Variants in ADK observed in about 807,000 individuals in gnomAD.
ADK encodes adenosine kinase.
ADK carries 24 observed loss-of-function variants against 44.7 expected under a neutral mutation model. The ratio of observed to expected loss-of-function variants is 0.54; its 90% CI spans 0.39 to 0.76. The LOEUF (loss-of-function observed/expected upper bound fraction) is 0.76, where lower values mean the gene tolerates loss of function less well. Ranked by LOEUF, ADK falls within the 30% of genes least tolerant of loss-of-function variation. The pLI, the probability that ADK is intolerant of heterozygous loss-of-function variation, is 0.00. For missense variants in ADK, 321 were observed against 425.1 expected, an observed-to-expected ratio of 0.76 and a Z score of 2.15; for synonymous variants, 128 against 142.6, an observed-to-expected ratio of 0.90 and a Z score of 0.73.
intron 9 of ADK, among the ~76,000 whole-genome samples, chr10:74,646,831 G>T (rs146845765): frequency 7.8e-4 from 119 of 152,294 alleles, no homozygotes; most frequent in Non-Finnish European, 1.3e-3. Flanking sequence ...AGGAAAATGT[G>T]AAAAACAGTG....
intron 3 of ADK, among the ~76,000 whole-genome samples, chr10:74,311,803 T>C (rs931076189): frequency 6.6e-6 from 1 of 152,208 alleles, no homozygotes; most frequent in Non-Finnish European, 1.5e-5. Context: ...ATGGATTAGA[T>C]GATTTAATAT....
At chr10:74,306,794 G>T (rs938296777) in intron 3 of ADK, among the ~76,000 whole-genome samples, 2 of 152,136 alleles carry the variant, frequency 1.3e-5, no homozygotes, top group Non-Finnish European at 2.9e-5. Context: ...ATTGATACCA[G>T]TGGTCTCCGC....
rs1407800207 is a variant in ADK at position 74,464,250 on chromosome 10, T to A, written c.556-61006T>A. Among the ~76,000 whole-genome samples, 8 of 152,164 alleles carry A rather than the reference T, an allele frequency of 5.3e-5. 1 individual carries two copies. The East Asian group carries it at 5.8e-4, about 11-fold the overall frequency. On this transcript the variant is annotated intron_variant, in intron 6 of 10. Transcript: ENST00000539909. ...GATATCATGTGAGTGTGCTCAAGGT[T>A]TGTTCTAAGAATCTAGCTGAGCACA...
At chr10:74,674,748 G>C (rs934534104) in intron 10 of ADK, among the ~76,000 whole-genome samples, 2 of 152,122 alleles carry the variant, frequency 1.3e-5, no homozygotes, top group African/African-American at 4.8e-5. Flanking sequence ...CGGGCATGGC[G>C]TTGCATGCCT....
intron 6 of ADK, among the ~76,000 whole-genome samples, chr10:74,434,023 T>C (rs1014755590): frequency 6.6e-6 from 1 of 152,126 alleles, no homozygotes; most frequent in African/African-American, 2.4e-5. Flanking sequence ...TTGTGTGTGG[T>C]GAAGTAAAAT....
intron 6 of ADK, among the ~76,000 whole-genome samples, chr10:74,434,661 G>C (rs1485860388): frequency 6.6e-6 from 1 of 152,124 alleles, no homozygotes; most frequent in Admixed American, 6.5e-5. Flanking sequence ...AGCTAAAACT[G>C]GTCTGTTTGG....
At chr10:74,327,335 GT>G in intron 4 of ADK, among the ~76,000 whole-genome samples, 1 of 151,938 alleles carries the variant, frequency 6.6e-6, no homozygotes, top group East Asian at 1.9e-4. Flanking sequence ...TTGACTTCTA[GT>G]TTATGCCATT....
At chr10:74,471,619 T>C (rs1446443103) in intron 6 of ADK, among the ~76,000 whole-genome samples, 1 of 152,194 alleles carries the variant, frequency 6.6e-6, no homozygotes, top group Non-Finnish European at 1.5e-5. Context: ...ATTTTAACAG[T>C]ATTAAGTTCC....
intron 10 of ADK, 94 bp downstream of exon 10, chr10:74,670,363 T>C: frequency 1.1e-6 from 1 of 910,246 alleles, no homozygotes; most frequent in Non-Finnish European, 1.7e-6. Context: ...TAGTAACTTC[T>C]AATTTCTTCT....
intron 3 of ADK, among the ~76,000 whole-genome samples, chr10:74,265,173 C>T (rs1846169646): frequency 6.6e-6 from 1 of 151,690 alleles, no homozygotes; most frequent in African/African-American, 2.4e-5. Flanking sequence ...ATTGATTTAG[C>T]TGATGATAAG....
At chr10:74,703,551 C>T (rs190248265) in intron 10 of ADK, among the ~76,000 whole-genome samples, 13 of 152,254 alleles carry the variant, frequency 8.5e-5, no homozygotes, top group Admixed American at 2.6e-4. Context: ...TCAAAAATGT[C>T]CGTATCTCAA....
chr10:74,222,058 A>G (rs533134531), intron 2 of ADK, among the ~76,000 whole-genome samples: 3 of 152,356 alleles, frequency 2.0e-5, no homozygotes, highest in South Asian at 4.1e-4. Context: ...AGAAACTACC[A>G]TCAGAGTGAA....
chr10:74,396,017 A>G (rs1843495613), intron 5 of ADK, among the ~76,000 whole-genome samples: 1 of 151,924 alleles, frequency 6.6e-6, no homozygotes, highest in Non-Finnish European at 1.5e-5. Flanking sequence ...TCTCAAAACC[A>G]AAGAGAGAGA....
chr10:74,540,409 A>G (rs908183207), intron 7 of ADK, among the ~76,000 whole-genome samples: 2 of 151,956 alleles, frequency 1.3e-5, no homozygotes, highest in Non-Finnish European at 2.9e-5. Context: ...GCCATAATAT[A>G]AAAATAATGA....
intron 6 of ADK, among the ~76,000 whole-genome samples, chr10:74,428,131 A>C (rs535815391): frequency 7.2e-5 from 11 of 152,288 alleles, no homozygotes; most frequent in Admixed American, 2.0e-4. Context: ...TCTTTTTATC[A>C]GAGTAATCCA....
intron 2 of ADK, among the ~76,000 whole-genome samples, chr10:74,217,434 G>T (rs1844094968): frequency 6.6e-6 from 1 of 152,224 alleles, no homozygotes. Context: ...TTGCACCTCT[G>T]GGGGCAGGGC....
intron 4 of ADK, among the ~76,000 whole-genome samples, chr10:74,330,307 G>T (rs1376275790): frequency 6.6e-6 from 1 of 152,180 alleles, no homozygotes; most frequent in East Asian, 1.9e-4. Context: ...TGCTACTCAG[G>T]AGGTTGAGAT....
intron 4 of ADK, among the ~76,000 whole-genome samples, chr10:74,315,596 CAT>C (rs1383819984): frequency 3.9e-4 from 47 of 119,636 alleles, no homozygotes; most frequent in African/African-American, 1.2e-3. Context: ...TCATTGCAAT[CAT>C]GTGTCAGTTC....
chr10:74,430,677 A>G (rs1367398243), intron 6 of ADK, among the ~76,000 whole-genome samples: 1 of 152,128 alleles, frequency 6.6e-6, no homozygotes, highest in African/African-American at 2.4e-5. Context: ...CTTACATTCT[A>G]CCACCTCTCA....
Sources: allele counts gnomAD v4.1 joint callset (sites outside exome capture counted in the v4.1 genomes callset), GRCh38; gene constraint gnomAD v4.1.1; transcripts MANE v1.5; gene names NCBI Gene and HGNC (gene_info 2026-07-23, HGNC 2026-07-21).